MIS18BP1: variants seen among roughly 807,000 people sequenced by gnomAD.
The protein encoded by MIS18BP1 is mis18-binding protein 1.
In MIS18BP1, 72 loss-of-function variants were observed where a neutral mutation model predicts 116.1. The ratio of observed to expected loss-of-function variants is 0.62; its 90% CI spans 0.51 to 0.75. The LOEUF is 0.75. Among genes scored for constraint, MIS18BP1 ranks in the 30% least tolerant of loss-of-function variants. The pLI is 0.00. For synonymous variants in MIS18BP1, 386 were observed against 427.0 expected (o/e 0.90, Z 1.18); for missense variants, 1,363 against 1,303.2 (o/e 1.05, Z -0.71).
chr14:45,210,274 A>G, intron 14 of MIS18BP1, 106 bp downstream of exon 14: 1 of 1,167,984 alleles, frequency 8.6e-7, no homozygotes, highest in Non-Finnish European at 1.2e-6. Context: ...GATTTTTTAA[A>G]TAATGCCTCT....
At chr14:45,240,935 TAA>T (rs1891558849) in intron 4 of MIS18BP1, among the ~76,000 whole-genome samples, 1 of 151,832 alleles carries the variant, frequency 6.6e-6, no homozygotes, top group Non-Finnish European at 1.5e-5. Flanking sequence ...GATAAATAAA[TAA>T]AGTTTAAATA....
At position 45,235,941 on chromosome 14, in the gene MIS18BP1, G is replaced by A. The variant is rs368984747; in HGVS notation, c.1221C>T (p.Asp407=). 27 of 1,594,428 alleles carry A rather than the reference G, an allele frequency of 1.7e-5. No homozygotes were observed. The highest frequency in any genetic ancestry group is 4.5e-5 in the East Asian group (2 of 44,512). The change falls in exon 6 of 17, where the codon GAC becomes GAT. Residue 407 remains aspartate, a synonymous_variant. Coordinates refer to ENST00000310806, the MANE Select transcript of MIS18BP1 (RefSeq NM_018353.5). ...TAICVEGKLI[D]VTNIYWHSNV... is the part of the protein sequence containing the mutation. Reference sequence around the variant, plus strand: ...TACTGTGCCAATATATGTTAGTGACGTCTCTAGGAAAAAAAAATAGTTTTG... The same window carrying A: ...TACTGTGCCAATATATGTTAGTGACATCTCTAGGAAAAAAAAATAGTTTTG...
intron 11 of MIS18BP1, among the ~76,000 whole-genome samples, chr14:45,222,445 C>T (rs1476151096): frequency 6.6e-6 from 1 of 152,136 alleles, no homozygotes; most frequent in African/African-American, 2.4e-5. Context: ...TACTTAGAAT[C>T]AATATTTTAC....
At chr14:45,216,279 A>C (rs1400360762) in intron 13 of MIS18BP1, among the ~76,000 whole-genome samples, 1 of 152,232 alleles carries the variant, frequency 6.6e-6, no homozygotes, top group Non-Finnish European at 1.5e-5. Flanking sequence ...TAAAAGGTAC[A>C]ATTCAATTTG....
In MIS18BP1 at chr14:45,217,238, A is replaced by G. The variant is rs192951319; in HGVS notation, c.2843-59T>C. The G allele has an allele frequency of 9.5e-5, 147 of 1,553,394 alleles. No homozygotes were observed. In the East Asian group the frequency reaches 3.2e-3, roughly 34 times the overall value. ...TGGTTATTTATAGTAACTGCTCTAT[A>G]AAGTTAACAACCTTTGCAAAGTCTA... is the stretch of plus-strand genomic sequence containing the variant. On this transcript the variant is annotated intron_variant, in intron 12 of 16. Coordinates refer to ENST00000310806, the MANE Select transcript of MIS18BP1 (RefSeq NM_018353.5).
At chr14:45,242,580 A>C in intron 3 of MIS18BP1, 62 bp from the exon 4 acceptor site, 1 of 1,518,018 alleles carries the variant, frequency 6.6e-7, no homozygotes, top group South Asian at 1.3e-5. Flanking sequence ...GGAAATTAAA[A>C]GAGATAAATT....
rs1309921032 is a variant in MIS18BP1, at chr14:45,224,652, C to G, written c.1935G>C (p.Gln645His). The G allele has an allele frequency of 6.2e-7, 1 of 1,613,184 alleles. No homozygotes were observed. Among genetic ancestry groups the G allele is most frequent in the South Asian group, 1.1e-5 (1 of 90,824 alleles). Residue 645 changes from glutamine (Q) to histidine (H), a missense_variant, in exon 11 of 17, where the codon CAG becomes CAC. Transcript: ENST00000310806. ...DEERKYMAIN[Q>H]KKAYILVTPL... ...GTGTTACTAAAATATAAGCTTTCTT[C>G]TGATTGATGGCCATGTATTTTCTTT...
chr14:45,210,062 G>A (rs1452720809), intron 14 of MIS18BP1: 2 of 188,644 alleles, frequency 1.1e-5, no homozygotes, highest in South Asian at 1.5e-4. Context: ...TAGTTAGAAA[G>A]ACCATCACTA....
At chr14:45,223,437 C>T (rs1478166402) in intron 11 of MIS18BP1, among the ~76,000 whole-genome samples, 5 of 152,090 alleles carry the variant, frequency 3.3e-5, no homozygotes, top group African/African-American at 4.8e-5. Flanking sequence ...ATTAGCCAGG[C>T]GTGGCAGCGT....
chr14:45,242,138 G>A lies in MIS18BP1; in HGVS notation c.1039C>T (p.Pro347Ser). The A allele has an allele frequency of 1.2e-6, 2 of 1,613,980 alleles. No individual in the cohort carries two copies. Among genetic ancestry groups the A allele is most frequent in the African/African-American group, 1.3e-5 (1 of 75,026 alleles). Residue 347 changes from proline to serine, a missense_variant, in exon 4 of 17, where the codon CCA becomes TCA. By Grantham distance (74) the Pro-to-Ser change is moderately conservative. Coordinates refer to ENST00000310806, the MANE Select transcript of MIS18BP1 (RefSeq NM_018353.5). ...CGAGGTATTGTTATATGAAGTCTTGGTGTTGCAAGTACAATTTTACATGTA... is the reference window on the plus strand; with the variant it reads ...CGAGGTATTGTTATATGAAGTCTTGATGTTGCAAGTACAATTTTACATGTA... ...KDTCKIVLATPRLHITIPRRS... is the reference protein window; with the variant it reads ...KDTCKIVLATSRLHITIPRRS...
chr14:45,225,490 A>G (rs979541875), intron 10 of MIS18BP1, among the ~76,000 whole-genome samples: 2 of 152,156 alleles, frequency 1.3e-5, no homozygotes, highest in East Asian at 3.8e-4. Flanking sequence ...TTCAGAAGAT[A>G]TAAGAAAACC....
intron 13 of MIS18BP1, among the ~76,000 whole-genome samples, chr14:45,210,996 C>T (rs1306124371): frequency 1.3e-5 from 2 of 152,222 alleles, no homozygotes; most frequent in Admixed American, 1.3e-4. Context: ...CCTCTTTATT[C>T]AGCCTGTAAC....
intron 4 of MIS18BP1, 149 bp downstream of exon 4, chr14:45,241,885 A>T (rs1212864897): frequency 2.3e-6 from 2 of 865,750 alleles, no homozygotes; most frequent in African/African-American, 3.4e-5. Flanking sequence ...AGTAAATAAT[A>T]AAACATGATA....
Position 45,218,295 on chromosome 14 carries a change from G to A in MIS18BP1, c.2829C>T (p.Ser943=), listed in dbSNP as rs761532465. The A allele has an allele frequency of 2.7e-5, 44 of 1,613,670 alleles. No individual in the cohort carries two copies. Among genetic ancestry groups the A allele is most frequent in the Non-Finnish European group, 3.7e-5 (44 of 1,179,954 alleles). Residue 943 remains serine (S), a synonymous_variant, in exon 12 of 17, where the codon TCC becomes TCT. Transcript: ENST00000310806. ...TACGAAGGTTACCATTTTGGCCTTTGGAATTGGCTGGCTTCTTCTTAGTGA... is the reference window on the plus strand; with the variant it reads ...TACGAAGGTTACCATTTTGGCCTTTAGAATTGGCTGGCTTCTTCTTAGTGA... ...KHVTKKKPAN[S]KGQNGKRGDA...
chr14:45,244,569 A>C (rs1157646816), intron 2 of MIS18BP1, among the ~76,000 whole-genome samples: 2 of 152,146 alleles, frequency 1.3e-5, no homozygotes, highest in South Asian at 2.1e-4. Flanking sequence ...AACTCCCCCC[A>C]ATTCTACACC....
chr14:45,252,775 A>C (rs1046070000), intron 1 of MIS18BP1, among the ~76,000 whole-genome samples: 1 of 152,108 alleles, frequency 6.6e-6, no homozygotes, highest in African/African-American at 2.4e-5. Context: ...TCTAAAAAAA[A>C]AAAAAAAAAA....
intron 13 of MIS18BP1, among the ~76,000 whole-genome samples, chr14:45,215,601 CAG>C (rs1566804808): frequency 6.6e-6 from 1 of 151,672 alleles, no homozygotes; most frequent in Non-Finnish European, 1.5e-5. Flanking sequence ...TTAGTAGAGA[CAG>C]GGTTTCACCA....
intron 13 of MIS18BP1, among the ~76,000 whole-genome samples, chr14:45,213,609 C>T (rs1890734863): frequency 6.6e-6 from 1 of 152,116 alleles, no homozygotes; most frequent in African/African-American, 2.4e-5. Flanking sequence ...TGAAAGTAGC[C>T]ATAGACAATA....
intron 12 of MIS18BP1, among the ~76,000 whole-genome samples, chr14:45,217,554 A>G (rs1253007770): frequency 3.9e-5 from 6 of 152,148 alleles, no homozygotes; most frequent in Non-Finnish European, 8.8e-5. Context: ...AGCCCATAGG[A>G]TACTCATGAA....
Sources: gnomAD v4.1 joint callset for allele counts (sites outside exome capture counted in the v4.1 genomes callset) on GRCh38, gnomAD v4.1.1 for gene constraint, MANE v1.5 for transcripts, NCBI Gene and HGNC (gene_info 2026-07-23, HGNC 2026-07-21) for gene names.